The following TNR variants were observed in gnomAD, a reference collection of about 807,000 sequenced individuals.
TNR encodes tenascin R.
Under a neutral mutation model 150.4 loss-of-function variants are expected in TNR, and 45 were observed. That is an observed-to-expected ratio of 0.30 (90% CI 0.24 to 0.38). The LOEUF is 0.38. Among genes scored for constraint, TNR ranks in the 10% least tolerant of loss-of-function variants. The probability of loss-of-function intolerance (pLI) is 1.00; values close to 1 mark genes in which losing one functional copy is unlikely to be tolerated. For missense variants in TNR, 1,544 were observed against 1,759.1 expected, an observed-to-expected ratio of 0.88 and a Z score of 2.19; for synonymous variants, 687 against 678.4, an observed-to-expected ratio of 1.01 and a Z score of -0.20.
chr1:175,440,001 T>G (rs1400260651), intron 2 of TNR, among the ~76,000 whole-genome samples: 1 of 152,166 alleles, frequency 6.6e-6, no homozygotes, highest in Non-Finnish European at 1.5e-5. Context: ...GAAATACCAT[T>G]TGACCCAGCC....
chr1:175,410,282 C>T (rs994580885), intron 2 of TNR, among the ~76,000 whole-genome samples: 1 of 152,184 alleles, frequency 6.6e-6, no homozygotes, highest in Non-Finnish European at 1.5e-5. Context: ...GCCTTGTAAA[C>T]CCCTGTAAGT....
At chr1:175,516,272 A>G (rs1249431226) in intron 2 of TNR, among the ~76,000 whole-genome samples, 2 of 152,188 alleles carry the variant, frequency 1.3e-5, no homozygotes, top group Non-Finnish European at 2.9e-5. Flanking sequence ...TGAAGTTGTA[A>G]TTTTATTAAA....
In TNR at chr1:175,414,374, A is replaced by T. The variant is rs1030369499; in HGVS notation, c.-63-7597T>A. 1.8e-4 allele frequency among the ~76,000 whole-genome samples: 27 copies of T among 152,296 alleles called. No homozygotes were observed. The Middle Eastern group carries it at 0.014, about 77-fold the overall frequency. ...TAAGAGTTTCGCAGGTGGACTGTGAAAATATAAACCTGAGGGATGGATAAT... is the reference window on the plus strand; with the variant it reads ...TAAGAGTTTCGCAGGTGGACTGTGATAATATAAACCTGAGGGATGGATAAT... On this transcript the variant is annotated intron_variant, in intron 2 of 22. Coordinates refer to ENST00000367674, the MANE Select transcript of TNR (RefSeq NM_003285.3).
intron 2 of TNR, among the ~76,000 whole-genome samples, chr1:175,520,337 G>A (rs1446011668): frequency 1.3e-5 from 2 of 152,316 alleles, no homozygotes; most frequent in East Asian, 3.9e-4. Context: ...TGACTCAGCA[G>A]AGAAGCGTGG....
chr1:175,661,760 C>T (rs546801748), intron 1 of TNR, among the ~76,000 whole-genome samples: 2 of 151,264 alleles, frequency 1.3e-5, no homozygotes, highest in South Asian at 4.3e-4. Flanking sequence ...TTTATTTCCT[C>T]CCCCTCTACA....
At chr1:175,366,909 C>G (rs1651864745) in intron 10 of TNR, among the ~76,000 whole-genome samples, 1 of 152,198 alleles carries the variant, frequency 6.6e-6, no homozygotes, top group Non-Finnish European at 1.5e-5. Flanking sequence ...AAAAATATGG[C>G]CTGCAATGGC....
At chr1:175,598,259 C>T (rs140426204) in intron 1 of TNR, among the ~76,000 whole-genome samples, 289 of 152,282 alleles carry the variant, frequency 1.9e-3, no homozygotes, top group South Asian at 0.011. Flanking sequence ...CAACTGTAGA[C>T]CTCATTTAGT....
At chr1:175,353,268 G>A (rs1397836179) in intron 18 of TNR, among the ~76,000 whole-genome samples, 2 of 152,136 alleles carry the variant, frequency 1.3e-5, no homozygotes, top group Non-Finnish European at 2.9e-5. Flanking sequence ...ACCTCTCTGT[G>A]GCCCAATTTC....
At chr1:175,442,787 C>T (rs1368209621) in intron 2 of TNR, among the ~76,000 whole-genome samples, 1 of 151,716 alleles carries the variant, frequency 6.6e-6, no homozygotes, top group East Asian at 1.9e-4. Flanking sequence ...GTCAACATAT[C>T]AGAAAGGTGC....
chr1:175,607,551 A>G (rs943900316), intron 1 of TNR, among the ~76,000 whole-genome samples: 5 of 152,210 alleles, frequency 3.3e-5, no homozygotes, highest in Non-Finnish European at 5.9e-5. Flanking sequence ...GCTACATCTT[A>G]TCTTCCGGGT....
At chr1:175,582,577 C>CT (rs747514218) in intron 1 of TNR, among the ~76,000 whole-genome samples, 5 of 152,076 alleles carry the variant, frequency 3.3e-5, no homozygotes, top group Non-Finnish European at 7.4e-5. Context: ...GGTTGAAACC[C>CT]TGGGAGAGGG....
intron 1 of TNR, among the ~76,000 whole-genome samples, chr1:175,667,363 T>A (rs1665560523): frequency 6.6e-6 from 1 of 152,206 alleles, no homozygotes; most frequent in Non-Finnish European, 1.5e-5. Context: ...CCACACCTAA[T>A]GCTTTATAAA....
chr1:175,698,143 G>T (rs181559624), intron 1 of TNR, among the ~76,000 whole-genome samples: 5 of 152,314 alleles, frequency 3.3e-5, no homozygotes, highest in Admixed American at 3.3e-4. Flanking sequence ...ACCAGTGTGT[G>T]GGCAGGGACA....
chr1:175,364,972 C>T (rs756430278), intron 12 of TNR, 38 bp downstream of exon 12: 8 of 1,566,176 alleles, frequency 5.1e-6, no homozygotes, highest in Non-Finnish European at 6.9e-6. Flanking sequence ...ACTGTGAAAA[C>T]CCCTTTCATC....
At chr1:175,348,220 A>G (rs1650891508) in intron 18 of TNR, among the ~76,000 whole-genome samples, 1 of 152,186 alleles carries the variant, frequency 6.6e-6, no homozygotes, top group Non-Finnish European at 1.5e-5. Context: ...TTATGAATAT[A>G]AAGGAAAAAC....
Position 175,345,062 on chromosome 1 carries a change from C to G in TNR, c.3383-7383G>C, listed in dbSNP as rs534693774. Among the ~76,000 whole-genome samples the G allele has an allele frequency of 1.6e-3, 240 of 151,938 alleles. 1 individual carries two copies. Among genetic ancestry groups the G allele is most frequent in the Admixed American group, 5.6e-3 (86 of 15,280 alleles). On this transcript the variant is annotated intron_variant, in intron 18 of 22. Transcript: ENST00000367674. Reference sequence around the variant, plus strand: ...GACGGAGGTTGCAGTGAGCCGAGATCAAGCCACTGCACTCCAGCCCAGGTG... The same window carrying G: ...GACGGAGGTTGCAGTGAGCCGAGATGAAGCCACTGCACTCCAGCCCAGGTG...
At chr1:175,713,286 G>A (rs761079334) in intron 1 of TNR, among the ~76,000 whole-genome samples, 4 of 152,168 alleles carry the variant, frequency 2.6e-5, no homozygotes, top group Non-Finnish European at 4.4e-5. Flanking sequence ...TGTGTGACAT[G>A]TACTGCACAA....
chr1:175,355,631 G>A lies in TNR; in HGVS notation c.3121C>T (p.Leu1041=). 1 of 1,613,870 alleles carries A rather than the reference G, an allele frequency of 6.2e-7. No homozygotes were observed. The highest frequency in any genetic ancestry group is 8.5e-7 in the Non-Finnish European group (1 of 1,179,838). ...GCTGTCAGGTTTGCCGGAGGGTCCA[G>A]GACTGCAAAGAGGAGAAAGTGCCAG... The part of the protein sequence containing the change: ...GTISTNFSTL[L]DPPANLTASE... Residue 1041 remains leucine (L), a splice_region_variant and synonymous_variant, in exon 17 of 23, where the codon CTG becomes TTG. Coordinates refer to ENST00000367674, the MANE Select transcript of TNR (RefSeq NM_003285.3).
At chr1:175,338,200 G>C (rs549031738) in intron 18 of TNR, among the ~76,000 whole-genome samples, 1 of 152,116 alleles carries the variant, frequency 6.6e-6, no homozygotes, top group Non-Finnish European at 1.5e-5. Context: ...AAACAAGCTC[G>C]GCATTAGCAA....
Sources: gnomAD v4.1 joint callset for allele counts (sites outside exome capture counted in the v4.1 genomes callset) on GRCh38, gnomAD v4.1.1 for gene constraint, MANE v1.5 for transcripts, NCBI Gene and HGNC (gene_info 2026-07-23, HGNC 2026-07-21) for gene names.